CASD1: variants seen among roughly 807,000 people sequenced by gnomAD.
CASD1 encodes CAS1 domain sialic acid O acetyltransferase 1.
Under a neutral mutation model 100.0 loss-of-function variants are expected in CASD1, and 41 were observed. The ratio of observed to expected loss-of-function variants is 0.41; its 90% CI spans 0.32 to 0.53. The LOEUF is 0.53. Ranked by LOEUF, CASD1 falls within the 20% of genes least tolerant of loss-of-function variation. The pLI, the probability that CASD1 is intolerant of heterozygous loss-of-function variation, is 0.25. For synonymous variants in CASD1, 321 were observed against 315.6 expected (o/e 1.02, Z -0.18); for missense variants, 774 against 948.7 (o/e 0.82, Z 2.42).
At chr7:94,591,374 C>T in the CASD1 span, among the ~76,000 whole-genome samples, 22 of 152,264 alleles carry the variant, frequency 1.4e-4, no homozygotes, top group Middle Eastern at 3.4e-3. Flanking sequence ...AGTGCACCTT[C>T]TACACATAGG....
intron 3 of CASD1, among the ~76,000 whole-genome samples, chr7:94,524,922 A>C (rs1013068963): frequency 2.0e-5 from 3 of 152,144 alleles, no homozygotes; most frequent in Admixed American, 6.5e-5. Context: ...TATATAAAGG[A>C]TATTCTTGAG....
chr7:94,510,580 G>A (rs1351379067), intron 1 of CASD1, among the ~76,000 whole-genome samples: 1 of 152,222 alleles, frequency 6.6e-6, no homozygotes, highest in African/African-American at 2.4e-5. Context: ...TCGGACAGGC[G>A]GTCCTTGGGG....
chr7:94,617,464 G>A, the CASD1 span: 1 of 152,146 alleles, frequency 6.6e-6, no homozygotes, highest in African/African-American at 2.4e-5. Context: ...TAAGAAAACT[G>A]TTTTAAAAAC....
chr7:94,533,070 A>G, intron 5 of CASD1, 135 bp from the exon 6 acceptor site: 1 of 514,932 alleles, frequency 1.9e-6, no homozygotes, highest in Non-Finnish European at 3.3e-6. Flanking sequence ...AAGCAATAAT[A>G]ATAAGGAATT....
chr7:94,571,066 CAG>C, the CASD1 span, among the ~76,000 whole-genome samples: 2 of 139,660 alleles, frequency 1.4e-5, no homozygotes, highest in Non-Finnish European at 3.0e-5. Flanking sequence ...TCTTTTTAGA[CAG>C]AGTCTCACTG....
At chr7:94,579,318 G>A in the CASD1 span, among the ~76,000 whole-genome samples, 1 of 151,332 alleles carries the variant, frequency 6.6e-6, no homozygotes, top group African/African-American at 2.4e-5. Context: ...TTAGGCACAT[G>A]CATGGACTCC....
intron 12 of CASD1, 103 bp downstream of exon 12, chr7:94,545,804 G>A: frequency 1.5e-6 from 1 of 649,966 alleles, no homozygotes; most frequent in Non-Finnish European, 2.4e-6. Context: ...GATGTAGACA[G>A]TTTAAATTTA....
chr7:94,530,263 G>A (rs182542070), intron 5 of CASD1, among the ~76,000 whole-genome samples: 7 of 152,306 alleles, frequency 4.6e-5, no homozygotes, highest in African/African-American at 1.7e-4. Flanking sequence ...AAAGGAAACA[G>A]CTTGTGCAAT....
At chr7:94,530,272 A>G (rs888678140) in intron 5 of CASD1, among the ~76,000 whole-genome samples, 6 of 152,158 alleles carry the variant, frequency 3.9e-5, no homozygotes, top group Non-Finnish European at 5.9e-5. Context: ...AGCTTGTGCA[A>G]TGATGCTGAA....
the CASD1 span, chr7:94,600,732 G>A: frequency 6.2e-7 from 1 of 1,613,832 alleles, no homozygotes; most frequent in Non-Finnish European, 8.5e-7. Context: ...GTGTAATTAG[G>A]AAATCCGTGT....
chr7:94,609,898 C>G, the CASD1 span, among the ~76,000 whole-genome samples: 2 of 152,128 alleles, frequency 1.3e-5, no homozygotes, highest in Admixed American at 6.6e-5. Context: ...ACACAAAAGC[C>G]TGCACATGGA....
chr7:94,535,174 G>A (rs1795059420), intron 7 of CASD1, 135 bp from the exon 8 acceptor site: 1 of 625,934 alleles, frequency 1.6e-6, no homozygotes, highest in African/African-American at 1.9e-5. Flanking sequence ...GCGTAAAAAT[G>A]AACTATTAGG....
the CASD1 span, among the ~76,000 whole-genome samples, chr7:94,565,633 C>T: frequency 1.3e-5 from 2 of 152,174 alleles, no homozygotes; most frequent in African/African-American, 2.4e-5. Context: ...CAGGTCACCA[C>T]TAATGGAAAT....
the CASD1 span, among the ~76,000 whole-genome samples, chr7:94,632,269 A>G: frequency 6.6e-6 from 1 of 152,040 alleles, no homozygotes; most frequent in African/African-American, 2.4e-5. Flanking sequence ...ACAGGTCCTG[A>G]AGTGGAACCA....
At chr7:94,519,064 A>T (rs578138327) in intron 3 of CASD1, among the ~76,000 whole-genome samples, 58 of 152,292 alleles carry the variant, frequency 3.8e-4, no homozygotes, top group African/African-American at 1.4e-3. Flanking sequence ...ATTTTCTGCA[A>T]ACTTTCTGGC....
the CASD1 span, chr7:94,587,347 CAAAAT>C: frequency 2.0e-6 from 2 of 1,018,028 alleles, no homozygotes. Flanking sequence ...TTTAAATACT[CAAAAT>C]AAATATTTAC....
At position 94,556,983 on chromosome 7, in the gene CASD1, A is replaced by C. The variant is rs1436526306; in HGVS notation, c.*1225A>C. 1.3e-5 allele frequency: 2 copies of C among 152,084 alleles called. No homozygotes were observed. Among genetic ancestry groups the C allele is most frequent in the Non-Finnish European group, 2.9e-5 (2 of 67,956 alleles). The allele number at this position is 152,084 out of a possible 1,614,324, so 9.4% of individuals were successfully genotyped here. On this transcript the variant is annotated 3_prime_UTR_variant, in exon 18 of 18. Coordinates refer to ENST00000297273, the MANE Select transcript of CASD1 (RefSeq NM_022900.5). ...GTGGATGCTTATTTTTGTATTGGCAAAGTATCAATTAAACTATATGTGTTC... is the reference window on the plus strand; with the variant it reads ...GTGGATGCTTATTTTTGTATTGGCACAGTATCAATTAAACTATATGTGTTC...
chr7:94,549,704 T>A, intron 14 of CASD1, 70 bp downstream of exon 14: 1 of 1,185,338 alleles, frequency 8.4e-7, no homozygotes, highest in Non-Finnish European at 1.2e-6. Context: ...AAATTTTTGA[T>A]CTATCTATAC....
At chr7:94,623,250 A>G in the CASD1 span, 2 of 901,530 alleles carry the variant, frequency 2.2e-6, no homozygotes, top group Non-Finnish European at 3.5e-6. Flanking sequence ...ATTCTTGACT[A>G]TATTTTATGT....
Sources: allele counts gnomAD v4.1 joint callset (sites outside exome capture counted in the v4.1 genomes callset), GRCh38; gene constraint gnomAD v4.1.1; transcripts MANE v1.5; gene names NCBI Gene and HGNC (gene_info 2026-07-23, HGNC 2026-07-21).